The following COX7B2 variants were observed in gnomAD, a reference collection of about 807,000 sequenced individuals.
The protein encoded by COX7B2 is cytochrome c oxidase subunit 7B2, mitochondrial.
For synonymous variants in COX7B2, 37 were observed against 32.1 expected (o/e 1.15, Z -0.51); for missense variants, 109 against 95.9 (o/e 1.14, Z -0.57).
chr4:46,907,847 A>ATT (rs1308450950), intron 1 of COX7B2, among the ~76,000 whole-genome samples: 12 of 67,186 alleles, frequency 1.8e-4, no homozygotes, highest in Non-Finnish European at 2.6e-4. Flanking sequence ...ATTTGAGCAG[A>ATT]CTTTTTTTTT....
chr4:46,892,787 C>T (rs185889347), intron 1 of COX7B2, among the ~76,000 whole-genome samples: 123 of 152,262 alleles, frequency 8.1e-4, no homozygotes, highest in African/African-American at 2.6e-3. Context: ...GATACGGTTT[C>T]GCTGTGTCCC....
At chr4:46,804,575 A>T (rs1241413653) in intron 2 of COX7B2, among the ~76,000 whole-genome samples, 2 of 152,214 alleles carry the variant, frequency 1.3e-5, no homozygotes. Context: ...GAGTAGCTAG[A>T]GTAGCTAGAG....
chr4:46,877,046 C>T (rs916580772), intron 1 of COX7B2, among the ~76,000 whole-genome samples: 2 of 152,106 alleles, frequency 1.3e-5, no homozygotes, highest in South Asian at 2.1e-4. Flanking sequence ...AAGAATCGAA[C>T]GACTCTCAAA....
chr4:46,815,261 T>A (rs1259358518), intron 2 of COX7B2, among the ~76,000 whole-genome samples: 4 of 151,784 alleles, frequency 2.6e-5, no homozygotes, highest in Admixed American at 2.6e-4. Context: ...CCAACTGGGG[T>A]TTAAAGTTAG....
chr4:46,803,955 A>C (rs1560391304), intron 2 of COX7B2, among the ~76,000 whole-genome samples: 1 of 152,252 alleles, frequency 6.6e-6, no homozygotes, highest in East Asian at 1.9e-4. Flanking sequence ...CACTGACTTC[A>C]AGAATGAAGC....
At chr4:46,817,928 G>A (rs1008050961) in intron 2 of COX7B2, among the ~76,000 whole-genome samples, 4 of 152,238 alleles carry the variant, frequency 2.6e-5, no homozygotes, top group African/African-American at 4.8e-5. Context: ...TTGAACCTAC[G>A]CATTTCTCAG....
At position 46,751,135 on chromosome 4, in the gene COX7B2, A is replaced by ATT. The variant is rs111808418; in HGVS notation, c.-49-15896_-49-15895dup. Among the ~76,000 whole-genome samples, 746 of 150,618 alleles carry ATT rather than the reference A, an allele frequency of 5.0e-3. 8 individuals are homozygous for ATT. Among genetic ancestry groups the ATT allele is most frequent in the African/African-American group, 0.017 (698 of 41,096 alleles). ...GAATAGACATTCCTTCTTCCCAAAG[A>ATT]TTTTTTTTTTAGTTTTGTTGCTTCT... On this transcript the variant is annotated intron_variant, in intron 2 of 2. Coordinates refer to ENST00000355591, the MANE Select transcript of COX7B2 (RefSeq NM_130902.3).
At chr4:46,878,064 A>G (rs1039591409) in intron 1 of COX7B2, among the ~76,000 whole-genome samples, 1 of 151,460 alleles carries the variant, frequency 6.6e-6, no homozygotes. Context: ...CTCACCCTTA[A>G]AAAAAAAGGT....
At chr4:46,800,861 G>A (rs1052266171) in intron 2 of COX7B2, among the ~76,000 whole-genome samples, 1 of 152,018 alleles carries the variant, frequency 6.6e-6, no homozygotes, top group Non-Finnish European at 1.5e-5. Context: ...TGCAAACTAT[G>A]CATTCAACAA....
At position 46,828,687 on chromosome 4, in the gene COX7B2, C is replaced by T. The variant is rs146436890; in HGVS notation, c.-50+16273G>A. ...CAGTAAATCATAAGAAAATTATGAG[C>T]GATAAAACTATTAAATAGAATAATT... On this transcript the variant is annotated intron_variant, in intron 2 of 2. Coordinates refer to ENST00000355591, the MANE Select transcript of COX7B2 (RefSeq NM_130902.3). 5.8e-3 allele frequency among the ~76,000 whole-genome samples: 881 copies of T among 151,910 alleles called. 10 individuals are homozygous for T. Among genetic ancestry groups the T allele is most frequent in the African/African-American group, 0.02 (809 of 41,436 alleles).
chr4:46,794,226 G>A (rs1026493363), intron 2 of COX7B2, among the ~76,000 whole-genome samples: 1 of 152,272 alleles, frequency 6.6e-6, no homozygotes, highest in African/African-American at 2.4e-5. Flanking sequence ...GTGGGATAAC[G>A]GTGGAAGAAA....
intron 2 of COX7B2, among the ~76,000 whole-genome samples, chr4:46,774,972 A>G (rs1272275141): frequency 6.6e-6 from 1 of 152,150 alleles, no homozygotes; most frequent in Non-Finnish European, 1.5e-5. Flanking sequence ...AAACAAAGAT[A>G]TGTTATTTAA....
At chr4:46,876,268 G>A (rs532753068) in intron 1 of COX7B2, among the ~76,000 whole-genome samples, 1 of 152,142 alleles carries the variant, frequency 6.6e-6, no homozygotes, top group East Asian at 1.9e-4. Flanking sequence ...AAAGTTAGAG[G>A]TAACATTTTT....
chr4:46,895,735 C>T (rs1256169044), intron 1 of COX7B2, among the ~76,000 whole-genome samples: 1 of 152,058 alleles, frequency 6.6e-6, no homozygotes, highest in Admixed American at 6.6e-5. Context: ...TAATCACTTT[C>T]TTAATTTATA....
chr4:46,798,972 T>A (rs1718509216), intron 2 of COX7B2, among the ~76,000 whole-genome samples: 1 of 152,176 alleles, frequency 6.6e-6, no homozygotes, highest in Non-Finnish European at 1.5e-5. Flanking sequence ...CCCAATTAAA[T>A]GTCTTCTACT....
At chr4:46,880,882 T>C (rs1487601918) in intron 1 of COX7B2, among the ~76,000 whole-genome samples, 5 of 146,444 alleles carry the variant, frequency 3.4e-5, no homozygotes, top group Non-Finnish European at 7.5e-5. Context: ...TTGGGAGATA[T>C]ACCTAATGCT....
At chr4:46,843,360 T>C (rs1295553790) in intron 2 of COX7B2, among the ~76,000 whole-genome samples, 1 of 152,034 alleles carries the variant, frequency 6.6e-6, no homozygotes, top group African/African-American at 2.4e-5. Context: ...AAGAATGTAT[T>C]AAGGACATCC....
chr4:46,900,841 A>G (rs567065962), intron 1 of COX7B2, among the ~76,000 whole-genome samples: 1 of 152,198 alleles, frequency 6.6e-6, no homozygotes. Flanking sequence ...TGGACTTCCC[A>G]GTCCCCAGAA....
chr4:46,769,277 A>G (rs1716732888), intron 2 of COX7B2, among the ~76,000 whole-genome samples: 2 of 152,340 alleles, frequency 1.3e-5, no homozygotes, highest in Middle Eastern at 3.4e-3. Context: ...AAGAAAAATA[A>G]TTACAGGACA....
Sources: gnomAD v4.1 joint callset for allele counts (sites outside exome capture counted in the v4.1 genomes callset) on GRCh38, gnomAD v4.1.1 for gene constraint, MANE v1.5 for transcripts, NCBI Gene and HGNC (gene_info 2026-07-23, HGNC 2026-07-21) for gene names.